PSD3: variants seen among roughly 807,000 people sequenced by gnomAD.
The protein encoded by PSD3 is pleckstrin and Sec7 domain containing 3.
In PSD3, 49 loss-of-function variants were observed where a neutral mutation model predicts 105.5. That is an observed-to-expected ratio of 0.46 (90% CI 0.37 to 0.59). The LOEUF (loss-of-function observed/expected upper bound fraction) is 0.59, where lower values mean the gene tolerates loss of function less well. Among genes scored for constraint, PSD3 ranks in the 20% least tolerant of loss-of-function variants. The pLI is 0.00. For synonymous variants in PSD3, 557 were observed against 457.8 expected (o/e 1.22, Z -2.77); for missense variants, 1,561 against 1,263.8 (o/e 1.24, Z -3.57).
chr8:19,011,133 A>G (rs1826931953), intron 1 of PSD3, among the ~76,000 whole-genome samples: 1 of 152,058 alleles, frequency 6.6e-6, no homozygotes, highest in Non-Finnish European at 1.5e-5. Flanking sequence ...CCCAAACCCA[A>G]AGACACTCTT....
chr8:18,959,641 T>C (rs1823791355), intron 1 of PSD3, among the ~76,000 whole-genome samples: 1 of 152,060 alleles, frequency 6.6e-6, no homozygotes, highest in African/African-American at 2.4e-5. Flanking sequence ...CTAAGAGAAC[T>C]GGGAATCAAG....
chr8:18,558,433 T>G (rs925691835), intron 14 of PSD3, among the ~76,000 whole-genome samples: 1 of 152,004 alleles, frequency 6.6e-6, no homozygotes, highest in Non-Finnish European at 1.5e-5. Context: ...ATTTAAGAAA[T>G]AAAATATAAA....
chr8:18,774,170 T>A (rs1310072073), intron 8 of PSD3, among the ~76,000 whole-genome samples: 1 of 116,374 alleles, frequency 8.6e-6, no homozygotes, highest in Non-Finnish European at 2.3e-5. Context: ...CAGATTCCTT[T>A]AGTTATTCCT....
intron 9 of PSD3, among the ~76,000 whole-genome samples, chr8:18,711,568 C>T (rs1460316348): frequency 3.3e-5 from 5 of 152,104 alleles, no homozygotes; most frequent in African/African-American, 9.7e-5. Flanking sequence ...CAATTCAACA[C>T]GAAGAGCTAA....
intron 12 of PSD3, among the ~76,000 whole-genome samples, chr8:18,587,451 T>C (rs1803279539): frequency 6.6e-6 from 1 of 152,210 alleles, no homozygotes; most frequent in African/African-American, 2.4e-5. Flanking sequence ...TACTGCTTGC[T>C]ACTCCCCCTC....
chr8:18,853,127 C>A (rs752463943), intron 4 of PSD3, among the ~76,000 whole-genome samples: 8 of 152,210 alleles, frequency 5.3e-5, no homozygotes, highest in Non-Finnish European at 1.2e-4. Flanking sequence ...CTCAAATATT[C>A]TCTTTGTCAT....
intron 8 of PSD3, among the ~76,000 whole-genome samples, chr8:18,777,281 T>C (rs935523456): frequency 6.6e-6 from 1 of 152,078 alleles, no homozygotes; most frequent in African/African-American, 2.4e-5. Context: ...GACCTCCTGA[T>C]CCACCCACCT....
intron 2 of PSD3, among the ~76,000 whole-genome samples, chr8:18,916,834 C>G (rs572387590): frequency 1.3e-5 from 2 of 151,796 alleles, no homozygotes; most frequent in African/African-American, 4.8e-5. Context: ...ATACTGTATG[C>G]CATAAATCTA....
chr8:18,846,646 T>C (rs1296520369), intron 4 of PSD3, among the ~76,000 whole-genome samples: 2 of 152,112 alleles, frequency 1.3e-5, no homozygotes, highest in Non-Finnish European at 2.9e-5. Flanking sequence ...AAACATCTTG[T>C]GGTAACCTGG....
chr8:19,056,297 T>C (rs1201041689), intron 1 of PSD3, among the ~76,000 whole-genome samples: 1 of 152,212 alleles, frequency 6.6e-6, no homozygotes, highest in African/African-American at 2.4e-5. Flanking sequence ...CTGACCCTCC[T>C]ATAACATAAT....
At chr8:18,708,052 G>T (rs1254574159) in intron 9 of PSD3, among the ~76,000 whole-genome samples, 2 of 152,170 alleles carry the variant, frequency 1.3e-5, no homozygotes, top group Admixed American at 6.5e-5. Context: ...ATTATGTAAA[G>T]AATATTTATT....
intron 1 of PSD3, among the ~76,000 whole-genome samples, chr8:19,025,735 A>G (rs1290382941): frequency 6.6e-6 from 1 of 152,332 alleles, no homozygotes; most frequent in Non-Finnish European, 1.5e-5. Flanking sequence ...CGCAAATTCC[A>G]GGTAGATCAT....
chr8:19,027,346 G>A (rs931847491), intron 1 of PSD3, among the ~76,000 whole-genome samples: 2 of 152,324 alleles, frequency 1.3e-5, no homozygotes, highest in Middle Eastern at 6.8e-3. Context: ...CACTTCACTT[G>A]TAAGTTCTGG....
chr8:18,841,273 G>GA (rs1424812271), intron 4 of PSD3, among the ~76,000 whole-genome samples: 1 of 151,978 alleles, frequency 6.6e-6, no homozygotes, highest in Non-Finnish European at 1.5e-5. Flanking sequence ...GCACTGCGTG[G>GA]AAAAAAAGTC....
chr8:18,614,208 TG>T (rs34362279), intron 11 of PSD3, among the ~76,000 whole-genome samples: 1 of 152,182 alleles, frequency 6.6e-6, no homozygotes, highest in South Asian at 2.1e-4. Context: ...TACTTTTCTT[TG>T]GGTCAGTTAA....
intron 1 of PSD3, among the ~76,000 whole-genome samples, chr8:18,971,097 A>G (rs1202377184): frequency 6.6e-6 from 1 of 152,206 alleles, no homozygotes; most frequent in African/African-American, 2.4e-5. Flanking sequence ...GGCAGGAATG[A>G]AAAAACCCCA....
At chr8:18,929,601 G>T (rs1821603996) in intron 2 of PSD3, among the ~76,000 whole-genome samples, 1 of 152,086 alleles carries the variant, frequency 6.6e-6, no homozygotes, top group African/African-American at 2.4e-5. Context: ...CTATATGAAG[G>T]GAAGAGGCCT....
intron 8 of PSD3, among the ~76,000 whole-genome samples, chr8:18,785,127 G>C (rs969027772): frequency 2.0e-4 from 31 of 152,068 alleles, no homozygotes; most frequent in African/African-American, 7.0e-4. Context: ...CTGTCACTCA[G>C]GAGGTCCATT....
At chr8:18,667,375 G>A (rs903598994) in intron 9 of PSD3, among the ~76,000 whole-genome samples, 1 of 152,102 alleles carries the variant, frequency 6.6e-6, no homozygotes, top group Non-Finnish European at 1.5e-5. Flanking sequence ...GACACAAAGT[G>A]CTGATTGGTG....
Sources: gnomAD v4.1 joint callset for allele counts (sites outside exome capture counted in the v4.1 genomes callset) on GRCh38, gnomAD v4.1.1 for gene constraint, MANE v1.5 for transcripts, NCBI Gene and HGNC (gene_info 2026-07-23, HGNC 2026-07-21) for gene names.